ESR1: variants seen among roughly 807,000 people sequenced by gnomAD.
ESR1 encodes the protein estrogen receptor 1, also known as estrogen receptor.
Under a neutral mutation model 52.7 loss-of-function variants are expected in ESR1, and 12 were observed. The ratio of observed to expected loss-of-function variants is 0.23; its 90% CI spans 0.15 to 0.37. The LOEUF is 0.37. Among genes scored for constraint, ESR1 ranks in the 10% least tolerant of loss-of-function variants. ESR1 has a pLI of 1.00. For synonymous variants in ESR1, 305 were observed against 316.8 expected, an observed-to-expected ratio of 0.96 and a Z score of 0.39; for missense variants, 584 against 779.7, an observed-to-expected ratio of 0.75 and a Z score of 2.99.
intron 3 of ESR1, among the ~76,000 whole-genome samples, chr6:151,901,704 C>T (rs1796723348): frequency 6.6e-6 from 1 of 152,240 alleles, no homozygotes; most frequent in African/African-American, 2.4e-5. Flanking sequence ...TCTGGAGCTG[C>T]AGATTCCCCA....
chr6:152,020,191 G>T (rs1003961031), intron 5 of ESR1, among the ~76,000 whole-genome samples: 4 of 152,128 alleles, frequency 2.6e-5, no homozygotes, highest in African/African-American at 9.7e-5. Flanking sequence ...TCTTGACATT[G>T]CCATGCAGAG....
chr6:151,789,922 G>A (rs1562407435), intron 2 of ESR1, among the ~76,000 whole-genome samples: 1 of 152,162 alleles, frequency 6.6e-6, no homozygotes, highest in Non-Finnish European at 1.5e-5. Context: ...GTCAGGAGGT[G>A]GGGAGAGAGC....
chr6:151,876,870 C>T (rs920317381), intron 2 of ESR1, among the ~76,000 whole-genome samples: 2 of 151,972 alleles, frequency 1.3e-5, no homozygotes, highest in Non-Finnish European at 2.9e-5. Context: ...AACATCACAT[C>T]GTGGCTTTGG....
intron 1 of ESR1, among the ~76,000 whole-genome samples, chr6:151,823,898 T>G (rs1380041379): frequency 6.6e-6 from 1 of 152,242 alleles, no homozygotes; most frequent in African/African-American, 2.4e-5. Flanking sequence ...TGGTTCCAAG[T>G]CTTTGTTATT....
intron 3 of ESR1, among the ~76,000 whole-genome samples, chr6:151,906,920 G>T (rs1417888701): frequency 6.6e-6 from 1 of 151,108 alleles, no homozygotes; most frequent in African/African-American, 2.4e-5. Flanking sequence ...ACCTGAAAGA[G>T]AATTTTGTTT....
chr6:152,049,962 C>T (rs1055111903), intron 5 of ESR1, among the ~76,000 whole-genome samples: 1 of 152,210 alleles, frequency 6.6e-6, no homozygotes, highest in Non-Finnish European at 1.5e-5. Flanking sequence ...GCTTTGTTTT[C>T]AACAAGTATG....
chr6:151,693,807 G>A (rs554947982), intron 1 of ESR1, among the ~76,000 whole-genome samples: 3 of 152,174 alleles, frequency 2.0e-5, no homozygotes, highest in African/African-American at 7.2e-5. Flanking sequence ...TAGTAGAGAC[G>A]GGGTTTTACC....
chr6:151,696,180 G>T (rs2115381855), intron 1 of ESR1, among the ~76,000 whole-genome samples: 1 of 152,050 alleles, frequency 6.6e-6, no homozygotes, highest in East Asian at 1.9e-4. Flanking sequence ...TAGATTAAAA[G>T]TGCCTCAGGG....
At position 151,927,794 on chromosome 6, in the gene ESR1, T is replaced by C. The variant is rs1194859200; in HGVS notation, c.761-16379T>C. Among the ~76,000 whole-genome samples, 3 of 152,144 alleles carry C rather than the reference T, an allele frequency of 2.0e-5. No homozygotes were observed. The East Asian group carries it at 5.8e-4, about 29-fold the overall frequency. ...GTGCAATGGTGTGATCTCTGCTCACTGCAACCTCTGCCTCTTGGGTTCAAG... is the reference window on the plus strand; with the variant it reads ...GTGCAATGGTGTGATCTCTGCTCACCGCAACCTCTGCCTCTTGGGTTCAAG... On this transcript the variant is annotated intron_variant, in intron 3 of 7. Transcript: ENST00000206249.
At chr6:151,773,191 C>T (rs564288530) in intron 2 of ESR1, among the ~76,000 whole-genome samples, 15 of 152,204 alleles carry the variant, frequency 9.9e-5, no homozygotes, top group Non-Finnish European at 1.5e-4. Context: ...GGGAGAAAGA[C>T]GTGATGATGA....
intron 1 of ESR1, among the ~76,000 whole-genome samples, chr6:151,700,436 A>G (rs139235269): frequency 0.02 from 3,116 of 152,314 alleles, 38 homozygotes; most frequent in East Asian, 0.032. Flanking sequence ...TGAAATATAC[A>G]AGTCCCCTAG....
chr6:152,106,004 A>C (rs1362890744), downstream of ESR1, among the ~76,000 whole-genome samples: 2 of 150,164 alleles, frequency 1.3e-5, no homozygotes, highest in East Asian at 4.0e-4. Context: ...CTTGTTAGCC[A>C]GGATGGTCTC....
chr6:151,808,027 C>A lies in ESR1; in HGVS notation c.115C>A (p.Leu39Met), dbSNP rs781772511. Residue 39 changes from leucine to methionine, a missense_variant, in exon 1 of 8, where the codon CTG becomes ATG. Leu to Met is a conservative substitution (Grantham distance 15). Transcript: ENST00000206249. Reference sequence around the variant, plus strand: ...GCTCAAGATCCCCCTGGAGCGGCCCCTGGGCGAGGTGTACCTGGACAGCAG... The same window carrying A: ...GCTCAAGATCCCCCTGGAGCGGCCCATGGGCGAGGTGTACCTGGACAGCAG... ...PQLKIPLERP[L>M]GEVYLDSSKP... is the part of the protein sequence containing the mutation. The A allele has an allele frequency of 6.2e-7, 1 of 1,613,824 alleles. No homozygotes were observed. The highest frequency in any genetic ancestry group is 1.7e-5 in the Admixed American group (1 of 60,018).
At chr6:151,894,910 T>C (rs1795242733) in intron 3 of ESR1, among the ~76,000 whole-genome samples, 2 of 152,170 alleles carry the variant, frequency 1.3e-5, no homozygotes, top group Admixed American at 6.5e-5. Flanking sequence ...ATTTTTTTTC[T>C]AGTTCTGTGA....
At chr6:152,104,834 A>G (rs2051043557), downstream of ESR1, among the ~76,000 whole-genome samples, 1 of 152,200 alleles carries the variant, frequency 6.6e-6, no homozygotes, top group Admixed American at 6.5e-5. Context: ...GGAATCAGCC[A>G]TGGCATTAAA....
At chr6:151,755,275 C>T (rs1784200062) in intron 2 of ESR1, among the ~76,000 whole-genome samples, 1 of 148,934 alleles carries the variant, frequency 6.7e-6, no homozygotes, top group African/African-American at 2.5e-5. Flanking sequence ...ACACAAAAAA[C>T]ATATTCCAAA....
At chr6:151,904,721 A>G (rs916469903) in intron 3 of ESR1, among the ~76,000 whole-genome samples, 9 of 152,212 alleles carry the variant, frequency 5.9e-5, no homozygotes, top group Non-Finnish European at 1.3e-4. Flanking sequence ...TTAACTTGTT[A>G]TGTTTACTCT....
chr6:152,034,204 G>T (rs774132581), intron 5 of ESR1, among the ~76,000 whole-genome samples: 2 of 151,360 alleles, frequency 1.3e-5, no homozygotes, highest in African/African-American at 2.4e-5. Context: ...CGAGTTAATG[G>T]GTGCAGCACA....
chr6:151,985,971 A>G (rs541434169), intron 4 of ESR1, among the ~76,000 whole-genome samples: 1 of 152,112 alleles, frequency 6.6e-6, no homozygotes, highest in Non-Finnish European at 1.5e-5. Flanking sequence ...GCCTGCCCCA[A>G]TTGTTACAGC....
Sources: gnomAD v4.1 joint callset for allele counts (sites outside exome capture counted in the v4.1 genomes callset) on GRCh38, gnomAD v4.1.1 for gene constraint, MANE v1.5 for transcripts, NCBI Gene and HGNC (gene_info 2026-07-23, HGNC 2026-07-21) for gene names.